Variants in FRG2 observed in about 807,000 individuals in gnomAD.
FRG2 encodes the protein FSHD region gene 2.
Under a neutral mutation model 24.9 loss-of-function variants are expected in FRG2, and 9 were observed. The observed-to-expected ratio is 0.36, with a 90% confidence interval of 0.22 to 0.63. The LOEUF (loss-of-function observed/expected upper bound fraction) is 0.63, where lower values mean the gene tolerates loss of function less well. Among genes scored for constraint, FRG2 ranks in the 20% least tolerant of loss-of-function variants. The probability of loss-of-function intolerance (pLI) is 0.68; values close to 1 mark genes in which losing one functional copy is unlikely to be tolerated. For missense variants in FRG2, 126 were observed against 305.4 expected (o/e 0.41, Z 4.38); for synonymous variants, 51 against 117.2 (o/e 0.44, Z 3.65).
At chr4:190,026,100 C>T in intron 3 of FRG2, 34 bp from the exon 4 acceptor site, 1 of 1,569,244 alleles carries the variant, frequency 6.4e-7, no homozygotes, top group Non-Finnish European at 8.6e-7. Context: ...CTCACCAGAG[C>T]AGTCCCCACA....
At position 190,024,702 on chromosome 4, in the gene FRG2, TCTTGA is replaced by T. The variant is rs1281895571; in HGVS notation, c.*854_*858del. 2.6e-5 allele frequency: 4 copies of T among 151,622 alleles called. No individual in the cohort carries two copies. Among genetic ancestry groups the T allele is most frequent in the Admixed American group, 2.0e-4 (3 of 15,226 alleles). 9.4% of individuals were successfully genotyped at this position (151,622 alleles called of 1,614,324 possible). On this transcript the variant is annotated 3_prime_UTR_variant, in exon 4 of 4. Coordinates refer to ENST00000504750, the MANE Select transcript of FRG2 (RefSeq NM_001286820.2). ...GTACAATCATTTACCATTTACTATA[TCTTGA>T]CTTAAATTTTATGTAGAAATATTAA...
chr4:190,026,016 A>G lies in FRG2; in HGVS notation c.385T>C (p.Ser129Pro). 1 of 1,613,078 alleles carries G rather than the reference A, an allele frequency of 6.2e-7. No individual in the cohort carries two copies. The highest frequency in any genetic ancestry group is 8.5e-7 in the Non-Finnish European group (1 of 1,179,362). ...TCACTGTTGTGCACAGCAGTGGAGG[A>G]TCTTGATTTTTTATTCAATGACAAG... ...CSLSLNKKSRSSTAVHNSEIQ... is the reference protein window; with the variant it reads ...CSLSLNKKSRPSTAVHNSEIQ... The change falls in exon 4 of 4, where the codon TCC becomes CCC. Residue 129 changes from serine to proline, a missense_variant. Physicochemically the swap from Ser to Pro is moderately conservative, Grantham distance 74. Transcript: ENST00000504750.
In FRG2 at chr4:190,025,944, A is replaced by G; in HGVS notation, c.457T>C (p.Cys153Arg). 2 of 1,614,020 alleles carry G rather than the reference A, an allele frequency of 1.2e-6. No individual in the cohort carries two copies. The highest frequency in any genetic ancestry group is 1.7e-6 in the Non-Finnish European group (2 of 1,179,876). ...CTATGCCGCTTGCTGTGCCCAGTGC[A>G]AGCCCTGGAATGTCCCCTATGGTGG... Reference protein sequence around the residue: ...DAHHRGHSRACTGHSKRHRSR... With the variant: ...DAHHRGHSRARTGHSKRHRSR... Residue 153 changes from cysteine to arginine, a missense_variant, in exon 4 of 4, where the codon TGC becomes CGC. This residue lies in a region of FRG2 where 75 missense variants were observed against 89.1 expected (regional missense o/e 0.84). Coordinates refer to ENST00000504750, the MANE Select transcript of FRG2 (RefSeq NM_001286820.2).
chr4:190,026,673 G>GTC lies in FRG2; in HGVS notation c.256+17_256+18insGA. The GTC allele has an allele frequency of 1.9e-6, 1 of 539,376 alleles. No individual in the cohort carries two copies. Among genetic ancestry groups the GTC allele is most frequent in the Non-Finnish European group, 3.2e-6 (1 of 314,488 alleles). The allele number at this position is 539,376 out of a possible 1,614,324, so 33.4% of individuals were successfully genotyped here. A position where few individuals can be genotyped will look rare whatever the true frequency, so the allele number is the denominator to read the frequency against. On this transcript the variant is annotated intron_variant, in intron 2 of 3. Coordinates refer to ENST00000504750, the MANE Select transcript of FRG2 (RefSeq NM_001286820.2). ...TTGCTTCCCTGTCCCTTCTCACCTT[G>GTC]AAAGAGTCAAATCTTACCTGATCCA...
At chr4:190,026,792 T>C (rs2126369843) in intron 1 of FRG2, 24 bp from the exon 2 acceptor site, 1 of 501,656 alleles carries the variant, frequency 2.0e-6, no homozygotes, top group East Asian at 3.1e-5. Flanking sequence ...TTTAGGTGAC[T>C]CACCTCTCCC....
rs1435571427 is a variant in FRG2 at position 190,025,972 on chromosome 4, A to C, written c.429T>G (p.Asp143Glu). The C allele has an allele frequency of 2.7e-5, 44 of 1,614,036 alleles. No homozygotes were observed. The African/African-American group carries it at 4.8e-4, about 18-fold the overall frequency. The change falls in exon 4 of 4, where the codon GAT becomes GAG. Residue 143 changes from aspartate to glutamate, a missense_variant. Asp to Glu is a conservative substitution (Grantham distance 45). This residue lies in a region of FRG2 where 75 missense variants were observed against 89.1 expected (regional missense o/e 0.84). Transcript: ENST00000504750. ...VHNSEIQETC[D>E]AHHRGHSRAC... ...CCCTGGAATGTCCCCTATGGTGGGC[A>C]TCACAGGTCTCCTGGATTTCACTGT...
At chr4:190,026,150 C>T (rs1176021613) in intron 3 of FRG2, 84 bp from the exon 4 acceptor site, 1 of 1,461,428 alleles carries the variant, frequency 6.8e-7, no homozygotes, top group Non-Finnish European at 9.3e-7. Flanking sequence ...CCAGGTGAAC[C>T]CCACTTGTCT....
rs1405637141 is a variant in FRG2, at chr4:190,024,646, G to T, written c.*915C>A. The stretch of plus-strand genomic sequence containing the variant: ...AATATAAATTTAGGATGTTTAAAAT[G>T]AAATGAAACATGAGGCAGGTCAATA... On this transcript the variant is annotated 3_prime_UTR_variant, in exon 4 of 4. Coordinates refer to ENST00000504750, the MANE Select transcript of FRG2 (RefSeq NM_001286820.2). 1.4e-5 allele frequency: 2 copies of T among 146,902 alleles called. No homozygotes were observed. The highest frequency in any genetic ancestry group is 3.0e-5 in the Non-Finnish European group (2 of 65,932). The allele number at this position is 146,902 out of a possible 1,614,324, so 9.1% of individuals were successfully genotyped here.
Position 190,024,751 on chromosome 4 carries a change from G to A in FRG2, c.*810C>T, listed in dbSNP as rs1739456113. The stretch of plus-strand genomic sequence containing the variant: ...ATATTAAAAGTAAACAGCTTGCATA[G>A]TAATTTTACTATAATTATATCAAAC... On this transcript the variant is annotated 3_prime_UTR_variant, in exon 4 of 4. Coordinates refer to ENST00000504750, the MANE Select transcript of FRG2 (RefSeq NM_001286820.2). The A allele has an allele frequency of 6.6e-6, 1 of 152,228 alleles. No individual in the cohort carries two copies. Among genetic ancestry groups the A allele is most frequent in the Admixed American group, 6.5e-5 (1 of 15,282 alleles). The allele number at this position is 152,228 out of a possible 1,614,324, so 9.4% of individuals were successfully genotyped here. A position where few individuals can be genotyped will look rare whatever the true frequency, so the allele number is the denominator to read the frequency against.
At position 190,024,873 on chromosome 4, in the gene FRG2, C is replaced by T. The variant is rs1359106026; in HGVS notation, c.*688G>A. ...AGGCTGGAAGAGTGAGAGCCTACAA[C>T]CTTTTCTGGATTAAAAGAGAAGCAA... On this transcript the variant is annotated 3_prime_UTR_variant, in exon 4 of 4. Transcript: ENST00000504750. 6.7e-6 allele frequency: 1 copy of T among 149,140 alleles called. No homozygotes were observed. The highest frequency in any genetic ancestry group is 2.4e-5 in the African/African-American group (1 of 41,184). 9.2% of individuals were successfully genotyped at this position (149,140 alleles called of 1,614,324 possible).
Position 190,025,908 on chromosome 4 carries a change from G to C in FRG2, c.493C>G (p.Leu165Val). 3 of 1,614,044 alleles carry C rather than the reference G, an allele frequency of 1.9e-6. No individual in the cohort carries two copies. Among genetic ancestry groups the C allele is most frequent in the Non-Finnish European group, 2.5e-6 (3 of 1,179,876 alleles). The change falls in exon 4 of 4, where the codon CTA becomes GTA. Residue 165 changes from leucine (L) to valine (V), a missense_variant. Transcript: ENST00000504750. ...CGAATTGACGGTGTTTGGACTCCTA[G>C]GGCCCGAGACCTATGCCGCTTGCTG... The part of the protein sequence containing the change: ...GHSKRHRSRA[L>V]GVQTPSIRKS...
In FRG2 at chr4:190,027,212, C is replaced by G; in HGVS notation, c.-8G>C. ...TTCATTTCCCTTTCCCATGTTGAAG[C>G]TCAAGTGAAAGGTGCGCTCTCTCTC... is the stretch of plus-strand genomic sequence containing the variant. On this transcript the variant is annotated 5_prime_UTR_variant, in exon 1 of 4. Coordinates refer to ENST00000504750, the MANE Select transcript of FRG2 (RefSeq NM_001286820.2). The G allele has an allele frequency of 6.2e-7, 1 of 1,609,144 alleles. No homozygotes were observed. The highest frequency in any genetic ancestry group is 8.5e-7 in the Non-Finnish European group (1 of 1,179,304).
At chr4:190,026,276 C>T (rs1739536178) in intron 3 of FRG2, 108 bp downstream of exon 3, 1 of 861,914 alleles carries the variant, frequency 1.2e-6, no homozygotes. Flanking sequence ...CAATAAGTAA[C>T]TCCCTTTCCG....
In FRG2 at chr4:190,025,893, G is replaced by A. The variant is rs1397874194; in HGVS notation, c.508C>T (p.Pro170Ser). 3.1e-6 allele frequency: 5 copies of A among 1,613,898 alleles called. No individual in the cohort carries two copies. The African/African-American group carries it at 6.7e-5, about 22-fold the overall frequency. Residue 170 changes from proline (P) to serine (S), a missense_variant, in exon 4 of 4, where the codon CCG becomes TCG. Physicochemically the swap from Pro to Ser is moderately conservative, Grantham distance 74. Coordinates refer to ENST00000504750, the MANE Select transcript of FRG2 (RefSeq NM_001286820.2). Reference sequence around the variant, plus strand: ...GTCACCAAGCTTTTTCGAATTGACGGTGTTTGGACTCCTAGGGCCCGAGAC... The same window carrying A: ...GTCACCAAGCTTTTTCGAATTGACGATGTTTGGACTCCTAGGGCCCGAGAC... ...HRSRALGVQT[P>S]SIRKSLVTSV...
In FRG2 at chr4:190,025,771, C is replaced by A; in HGVS notation, c.630G>T (p.Leu210=). ...HSPLTCEQLT[L]LTRLRGPLCA... ...ACAGAGGCCCCCGGAGCCGAGTGAGCAGTGTCAGCTGCTCACAGGTAAGTG... is the reference window on the plus strand; with the variant it reads ...ACAGAGGCCCCCGGAGCCGAGTGAGAAGTGTCAGCTGCTCACAGGTAAGTG... Residue 210 remains leucine, a synonymous_variant, in exon 4 of 4, where the codon CTG becomes CTT. Coordinates refer to ENST00000504750, the MANE Select transcript of FRG2 (RefSeq NM_001286820.2). 15 of 1,610,662 alleles carry A rather than the reference C, an allele frequency of 9.3e-6. No individual in the cohort carries two copies. The highest frequency in any genetic ancestry group is 1.3e-5 in the Non-Finnish European group (15 of 1,178,670).
Position 190,024,390 on chromosome 4 carries a change from G to A in FRG2, c.*1171C>T, listed in dbSNP as rs1739428707. The A allele has an allele frequency of 6.6e-6, 1 of 151,468 alleles. No homozygotes were observed. Among genetic ancestry groups the A allele is most frequent in the Non-Finnish European group, 1.5e-5 (1 of 67,890 alleles). The allele number at this position is 151,468 out of a possible 1,614,324, so 9.4% of individuals were successfully genotyped here. On this transcript the variant is annotated 3_prime_UTR_variant, in exon 4 of 4. Coordinates refer to ENST00000504750, the MANE Select transcript of FRG2 (RefSeq NM_001286820.2). ...TTTTTATTAAATACAAATTCCATAT[G>A]AAAGAAATTTAAAATTCCAAACAAC...
chr4:190,024,690 C>T lies in FRG2; in HGVS notation c.*871G>A, dbSNP rs1483900938. The stretch of plus-strand genomic sequence containing the variant: ...GTCAATAAATAAGTACAATCATTTA[C>T]CATTTACTATATCTTGACTTAAATT... On this transcript the variant is annotated 3_prime_UTR_variant, in exon 4 of 4. Transcript: ENST00000504750. 6.6e-6 allele frequency: 1 copy of T among 150,442 alleles called. No individual in the cohort carries two copies. Among genetic ancestry groups the T allele is most frequent in the Non-Finnish European group, 1.5e-5 (1 of 67,196 alleles). The allele number at this position is 150,442 out of a possible 1,614,324, so 9.3% of individuals were successfully genotyped here.
chr4:190,026,049 C>G lies in FRG2; in HGVS notation c.352G>C (p.Glu118Gln), dbSNP rs1438068340. ...TTTTTATTCAATGACAAGCTGCACTCCTTTTCTGGACAGTTCCCTGCAAAG... is the reference window on the plus strand; with the variant it reads ...TTTTTATTCAATGACAAGCTGCACTGCTTTTCTGGACAGTTCCCTGCAAAG... ...QDTAGNCPEKECSLSLNKKSR... is the reference protein window; with the variant it reads ...QDTAGNCPEKQCSLSLNKKSR... The change falls in exon 4 of 4, where the codon GAG (glutamate) becomes CAG (glutamine). Residue 118 changes from glutamate to glutamine, a missense_variant. Glu to Gln is a conservative substitution (Grantham distance 29). Coordinates refer to ENST00000504750, the MANE Select transcript of FRG2 (RefSeq NM_001286820.2). 1.2e-6 allele frequency: 2 copies of G among 1,611,512 alleles called. No homozygotes were observed. Among genetic ancestry groups the G allele is most frequent in the African/African-American group, 2.7e-5 (2 of 74,688 alleles).
chr4:190,024,606 TATAAAATATA>T lies in FRG2; in HGVS notation c.*945_*954del, dbSNP rs1739446531. On this transcript the variant is annotated 3_prime_UTR_variant, in exon 4 of 4. Coordinates refer to ENST00000504750, the MANE Select transcript of FRG2 (RefSeq NM_001286820.2). ...CAATATAGTACAATCAATTGAAATG[TATAAAATATA>T]ATAAAATATAAATTTAGGATGTTTA... The T allele has an allele frequency of 6.8e-6, 1 of 147,142 alleles. No homozygotes were observed. Among genetic ancestry groups the T allele is most frequent in the Non-Finnish European group, 1.5e-5 (1 of 66,336 alleles). 9.1% of individuals were successfully genotyped at this position (147,142 alleles called of 1,614,324 possible). A position where few individuals can be genotyped will look rare whatever the true frequency, so the allele number is the denominator to read the frequency against.
Sources: allele counts gnomAD v4.1 joint callset, GRCh38; gene constraint gnomAD v4.1.1; regional missense constraint gnomAD v4.1.1; transcripts MANE v1.5; gene names NCBI Gene and HGNC (gene_info 2026-07-23, HGNC 2026-07-21).